Variants in TMUB2 observed in about 807,000 individuals in gnomAD.
The protein encoded by TMUB2 is transmembrane and ubiquitin like domain containing 2.
Under a neutral mutation model 20.2 loss-of-function variants are expected in TMUB2, and 19 were observed. The observed-to-expected ratio is 0.94, with a 90% CI of 0.66 to 1.38. The LOEUF (loss-of-function observed/expected upper bound fraction) is 1.38, where lower values mean the gene tolerates loss of function less well. Among genes scored for constraint, TMUB2 ranks in the 40% most tolerant of loss-of-function variants. The probability of loss-of-function intolerance (pLI) is 0.00; values close to 1 mark genes in which losing one functional copy is unlikely to be tolerated. For missense variants in TMUB2, 426 were observed against 402.5 expected (o/e 1.06, Z -0.50); for synonymous variants, 186 against 166.0 (o/e 1.12, Z -0.92).
rs2055590997 is a variant in TMUB2 at position 44,191,589 on chromosome 17, GAC to G, written c.*727_*728del. ...CGTAGTCCTCAGGCTGTAAGCAAGA[GAC>G]AGCACTGGCCCTTGGCCAGCGTCCT... On this transcript the variant is annotated 3_prime_UTR_variant, in exon 4 of 4. Transcript: ENST00000538716. 5 of 985,906 alleles carry G rather than the reference GAC, an allele frequency of 5.1e-6. No homozygotes were observed. The highest frequency in any genetic ancestry group is 1.2e-4 in the Admixed American group (2 of 16,266). The allele number at this position is 985,906 out of a possible 1,614,324, so 61.1% of individuals were successfully genotyped here.
chr17:44,189,150 C>T lies in TMUB2; in HGVS notation c.164C>T (p.Ser55Phe). The T allele has an allele frequency of 6.2e-7, 1 of 1,614,118 alleles. No individual in the cohort carries two copies. Among genetic ancestry groups the T allele is most frequent in the Non-Finnish European group, 8.5e-7 (1 of 1,180,018 alleles). Residue 55 changes from serine (S) to phenylalanine (F), a missense_variant, in exon 3 of 4, where the codon TCT (serine) becomes TTT (phenylalanine). Ser to Phe is a radical substitution (Grantham distance 155, BLOSUM62 -2). Transcript: ENST00000538716. ...LILALVLAWL[S>F]TYVADSGSNQ... The stretch of plus-strand genomic sequence containing the variant: ...CTAGCCTTGGTCCTAGCTTGGCTCT[C>T]TACCTACGTAGCAGACAGCGGTAGC...
In TMUB2 at chr17:44,189,305, G is replaced by A; in HGVS notation, c.319G>A (p.Asp107Asn). ...ACTCCCCCATCCATCAGAGGGTAAT[G>A]ATGAGAAGGCTGAAGAGGCGGGTGA... The part of the protein sequence containing the change: ...TELPHPSEGN[D>N]EKAEEAGEGR... The change falls in exon 3 of 4, where the codon GAT (aspartate) becomes AAT (asparagine). Residue 107 changes from aspartate (D) to asparagine (N), a missense_variant. Physicochemically the swap from Asp to Asn is conservative, Grantham distance 23. Transcript: ENST00000538716. The A allele has an allele frequency of 6.2e-7, 1 of 1,601,708 alleles. No individual in the cohort carries two copies. The highest frequency in any genetic ancestry group is 1.7e-5 in the Admixed American group (1 of 59,394).
In TMUB2 at chr17:44,191,624, C is replaced by T. The variant is rs2055603031; in HGVS notation, c.*760C>T. ...GCCCTTGGCCAGCGTCCTACCCTGC[C>T]CAACTCCAAGGACTGGGTATGGATT... On this transcript the variant is annotated 3_prime_UTR_variant, in exon 4 of 4. Coordinates refer to ENST00000538716, the MANE Select transcript of TMUB2 (RefSeq NM_001076674.3). 6.1e-6 allele frequency: 6 copies of T among 985,842 alleles called. No individual in the cohort carries two copies. Among genetic ancestry groups the T allele is most frequent in the Non-Finnish European group, 7.2e-6 (6 of 829,936 alleles). The allele number at this position is 985,842 out of a possible 1,614,324, so 61.1% of individuals were successfully genotyped here.
intron 3 of TMUB2, 83 bp from the exon 4 acceptor site, chr17:44,190,418 C>A: frequency 1.5e-6 from 2 of 1,353,360 alleles, no homozygotes; most frequent in Non-Finnish European, 9.9e-7. Flanking sequence ...TTTTTCCCCA[C>A]TCCCCTGCTT....
Position 44,189,762 on chromosome 17 carries a change from C to T in TMUB2, c.602+174C>T, listed in dbSNP as rs560044569. 129 of 579,882 alleles carry T rather than the reference C, an allele frequency of 2.2e-4. 1 individual carries two copies. In the South Asian group the frequency reaches 2.5e-3, roughly 11 times the overall value. The allele number at this position is 579,882 out of a possible 1,614,324, so 35.9% of individuals were successfully genotyped here. Reference sequence around the variant, plus strand: ...CCTTCAGGCCGGGTGCAGTGGCTCCCGGGACTTTGGGAGGCCGAGGCGGGT... The same window carrying T: ...CCTTCAGGCCGGGTGCAGTGGCTCCTGGGACTTTGGGAGGCCGAGGCGGGT... On this transcript the variant is annotated intron_variant, in intron 3 of 3. Transcript: ENST00000538716.
chr17:44,188,909 C>G, intron 2 of TMUB2, 113 bp from the exon 3 acceptor site: 1 of 1,438,914 alleles, frequency 6.9e-7, no homozygotes, highest in Middle Eastern at 2.1e-4. Flanking sequence ...CTACACAACA[C>G]TGAACTCCTT....
rs2055445860 is a variant in TMUB2 at position 44,190,803 on chromosome 17, T to C, written c.905T>C (p.Val302Ala). The C allele has an allele frequency of 6.2e-7, 1 of 1,614,076 alleles. No homozygotes were observed. Among genetic ancestry groups the C allele is most frequent in the African/African-American group, 1.3e-5 (1 of 74,930 alleles). ...CAATTCTTCACAGCACCTGCCACTG[T>C]CTCCCTGGTGGGAGTCACCGTCTTC... The part of the protein sequence containing the change: ...YRQFFTAPAT[V>A]SLVGVTVFFS... Residue 302 changes from valine to alanine, a missense_variant, in exon 4 of 4, where the codon GTC (valine) becomes GCC (alanine). Coordinates refer to ENST00000538716, the MANE Select transcript of TMUB2 (RefSeq NM_001076674.3).
chr17:44,188,805 C>A, intron 2 of TMUB2: 1 of 666,332 alleles, frequency 1.5e-6, no homozygotes, highest in Non-Finnish European at 2.2e-6. Context: ...GGTCACAGAA[C>A]GTGAAAGCAA....
intron 1 of TMUB2, 158 bp from the exon 2 acceptor site, chr17:44,187,518 G>C: frequency 1.6e-6 from 1 of 607,746 alleles, no homozygotes; most frequent in Non-Finnish European, 3.0e-6. Flanking sequence ...CCCTCCCCAC[G>C]AGAGTTCCCT....
At chr17:44,187,525 C>T (rs763145842) in intron 1 of TMUB2, 151 bp from the exon 2 acceptor site, 15 of 617,116 alleles carry the variant, frequency 2.4e-5, no homozygotes, top group Non-Finnish European at 3.8e-5. Context: ...CACGAGAGTT[C>T]CCTGTGTCTG....
rs1273208473 is a variant in TMUB2 at position 44,187,732 on chromosome 17, CAACCTCATGAGGTAGGTACTGTTTTT to C, written c.29_35+19del. The stretch of plus-strand genomic sequence containing the variant: ...CGATGATTTCACGTCATCTTCAAAA[CAACCTCATGAGGTAGGTACTGTTTTT>C]AACCCCATTTTACTGATGAGAAAGC... On this transcript the variant is annotated splice_donor_variant and splice_donor_5th_base_variant and coding_sequence_variant and intron_variant, in exon 2 of 4. Coordinates refer to ENST00000538716, the MANE Select transcript of TMUB2 (RefSeq NM_001076674.3). LOFTEE classifies it high-confidence loss of function. 1 of 718,500 alleles carries C rather than the reference CAACCTCATGAGGTAGGTACTGTTTTT, an allele frequency of 1.4e-6. No individual in the cohort carries two copies. Among genetic ancestry groups the C allele is most frequent in the Non-Finnish European group, 2.6e-6 (1 of 385,088 alleles). The allele number at this position is 718,500 out of a possible 1,614,324, so 44.5% of individuals were successfully genotyped here. A position where few individuals can be genotyped will look rare whatever the true frequency, so the allele number is the denominator to read the frequency against.
rs373765208 is a variant in TMUB2, at chr17:44,190,737, T to C, written c.839T>C (p.Val280Ala). The stretch of plus-strand genomic sequence containing the variant: ...AGCCTCATGGTGCCTGTCTTTGTGG[T>C]GCTGTTGGGTGTGGTCTGGTACTTC... ...VGSLMVPVFV[V>A]LLGVVWYFRI... The change falls in exon 4 of 4, where the codon GTG becomes GCG. Residue 280 changes from valine (V) to alanine (A), a missense_variant. Physicochemically the swap from Val to Ala is moderately conservative, Grantham distance 64. Transcript: ENST00000538716. The C allele has an allele frequency of 1.2e-6, 2 of 1,614,112 alleles. No individual in the cohort carries two copies. The highest frequency in any genetic ancestry group is 1.1e-5 in the South Asian group (1 of 91,090).
At position 44,191,354 on chromosome 17, in the gene TMUB2, G is replaced by A; in HGVS notation, c.*490G>A. The stretch of plus-strand genomic sequence containing the variant: ...AATCACACTGGCGGGAATGAAGATT[G>A]TGCCAGCCTTCTCTTATGGGCACCT... On this transcript the variant is annotated 3_prime_UTR_variant, in exon 4 of 4. Coordinates refer to ENST00000538716, the MANE Select transcript of TMUB2 (RefSeq NM_001076674.3). 1.0e-6 allele frequency: 1 copy of A among 988,592 alleles called. No individual in the cohort carries two copies. Among genetic ancestry groups the A allele is most frequent in the South Asian group, 4.7e-5 (1 of 21,494 alleles). 61.2% of individuals were successfully genotyped at this position (988,592 alleles called of 1,614,324 possible).
Position 44,190,558 on chromosome 17 carries a change from A to G in TMUB2, c.660A>G (p.Leu220=), listed in dbSNP as rs546373787. 6 of 1,613,930 alleles carry G rather than the reference A, an allele frequency of 3.7e-6. No homozygotes were observed. Among genetic ancestry groups the G allele is most frequent in the South Asian group, 3.3e-5 (3 of 91,054 alleles). ...AACTGATCTACCAGGGCCGCCTGCT[A>G]CAAGACCCAGCCCGCACACTGCGTT... ...QMKLIYQGRL[L]QDPARTLRSL... The change falls in exon 4 of 4, where the codon CTA becomes CTG. Residue 220 remains leucine (L), a synonymous_variant. Transcript: ENST00000538716.
In TMUB2 at chr17:44,189,113, G is replaced by C; in HGVS notation, c.127G>C (p.Val43Leu). The part of the protein sequence containing the change: ...GNEVMVVAGV[V>L]VLILALVLAW... ...TGAGGTGATGGTGGTGGCAGGTGTG[G>C]TGGTGCTGATTCTAGCCTTGGTCCT... Residue 43 changes from valine to leucine, a missense_variant, in exon 3 of 4, where the codon GTG becomes CTG. Coordinates refer to ENST00000538716, the MANE Select transcript of TMUB2 (RefSeq NM_001076674.3). The C allele has an allele frequency of 6.2e-7, 1 of 1,614,078 alleles. No homozygotes were observed. The highest frequency in any genetic ancestry group is 8.5e-7 in the Non-Finnish European group (1 of 1,180,004).
chr17:44,189,737 C>A, intron 3 of TMUB2, 149 bp downstream of exon 3: 2 of 732,018 alleles, frequency 2.7e-6, no homozygotes, highest in Non-Finnish European at 4.2e-6. Context: ...AGAAATACAC[C>A]CTTCAGGCCG....
In TMUB2 at chr17:44,190,831, C is replaced by A; in HGVS notation, c.933C>A (p.Phe311Leu). 3 of 1,613,738 alleles carry A rather than the reference C, an allele frequency of 1.9e-6. No homozygotes were observed. The highest frequency in any genetic ancestry group is 2.5e-6 in the Non-Finnish European group (3 of 1,179,782). ...TVSLVGVTVF[F>L]SFLVFGMYGR ...CCCTGGTGGGAGTCACCGTCTTCTT[C>A]AGCTTCCTAGTATTTGGGATGTATG... Residue 311 changes from phenylalanine (F) to leucine (L), a missense_variant, in exon 4 of 4, where the codon TTC becomes TTA. Physicochemically the swap from Phe to Leu is conservative, Grantham distance 22. Transcript: ENST00000538716.
chr17:44,190,361 A>AG (rs2055321582), intron 3 of TMUB2, 140 bp from the exon 4 acceptor site: 1 of 881,466 alleles, frequency 1.1e-6, no homozygotes, highest in Admixed American at 3.5e-5. Flanking sequence ...AAAAAAAAAA[A>AG]AAAAAAAAAA....
In TMUB2 at chr17:44,191,698, G is replaced by A. The variant is rs916010709; in HGVS notation, c.*834G>A. On this transcript the variant is annotated 3_prime_UTR_variant, in exon 4 of 4. Transcript: ENST00000538716. ...TGGGGCTATTGGAGGGTCAGTGTCT[G>A]TGACTGAATAAAGTTCCATTTTGTG... 21 of 985,786 alleles carry A rather than the reference G, an allele frequency of 2.1e-5. No homozygotes were observed. Among genetic ancestry groups the A allele is most frequent in the African/African-American group, 7.0e-5 (4 of 57,358 alleles). The allele number at this position is 985,786 out of a possible 1,614,324, so 61.1% of individuals were successfully genotyped here.
Sources: allele counts gnomAD v4.1 joint callset, GRCh38; gene constraint gnomAD v4.1.1; transcripts MANE v1.5; gene names NCBI Gene and HGNC (gene_info 2026-07-23, HGNC 2026-07-21).